PLEKHA7: variants seen among roughly 807,000 people sequenced by gnomAD.
The protein encoded by PLEKHA7 is pleckstrin homology domain-containing family A member 7.
PLEKHA7 carries 104 observed loss-of-function variants against 170.0 expected under a neutral mutation model. The ratio of observed to expected loss-of-function variants is 0.61; its 90% CI spans 0.52 to 0.72. The LOEUF is 0.72. Among genes scored for constraint, PLEKHA7 ranks in the 30% least tolerant of loss-of-function variants. PLEKHA7 has a pLI of 0.00. For synonymous variants in PLEKHA7, 648 were observed against 660.8 expected (o/e 0.98, Z 0.30); for missense variants, 1,615 against 1,671.7 (o/e 0.97, Z 0.59).
chr11:16,865,238 C>T (rs1854288776), intron 4 of PLEKHA7, among the ~76,000 whole-genome samples: 2 of 152,232 alleles, frequency 1.3e-5, no homozygotes, highest in Non-Finnish European at 2.9e-5. Context: ...CTCCCCCTTT[C>T]TCTATGCATT....
chr11:16,808,599 C>T (rs1229151695), intron 13 of PLEKHA7, among the ~76,000 whole-genome samples: 3 of 152,118 alleles, frequency 2.0e-5, no homozygotes, highest in African/African-American at 4.8e-5. Flanking sequence ...CCAGTAACCC[C>T]GAAGCCACTG....
At chr11:16,947,087 A>G (rs936656036) in intron 3 of PLEKHA7, among the ~76,000 whole-genome samples, 1 of 152,200 alleles carries the variant, frequency 6.6e-6, no homozygotes, top group Non-Finnish European at 1.5e-5. Context: ...AACACCTTTC[A>G]TGACCACTGA....
chr11:16,854,314 C>T (rs529793463), intron 6 of PLEKHA7, among the ~76,000 whole-genome samples: 101 of 152,194 alleles, frequency 6.6e-4, no homozygotes, highest in African/African-American at 2.3e-3. Flanking sequence ...GAATGCATGT[C>T]GGGGAAGGAG....
intron 3 of PLEKHA7, among the ~76,000 whole-genome samples, chr11:16,951,315 A>G (rs1861391547): frequency 1.3e-5 from 2 of 152,164 alleles, no homozygotes; most frequent in South Asian, 4.1e-4. Flanking sequence ...GGGATGGCTG[A>G]GAATACTCTC....
chr11:16,833,981 T>TTATATATATATATATATATATA (rs10525520), intron 9 of PLEKHA7, among the ~76,000 whole-genome samples: 26 of 151,286 alleles, frequency 1.7e-4, no homozygotes, highest in Middle Eastern at 3.4e-3. Flanking sequence ...CTCAGGAGTT[T>TTATATATATATATATATATATA]TATATATAGA....
chr11:16,897,826 A>G (rs1334562454), intron 3 of PLEKHA7, among the ~76,000 whole-genome samples: 1 of 152,156 alleles, frequency 6.6e-6, no homozygotes, highest in Non-Finnish European at 1.5e-5. Context: ...TGTGAATGTA[A>G]AAGGCGATTA....
chr11:16,947,915 CA>C lies in PLEKHA7; in HGVS notation c.221+66073del, dbSNP rs756124686. Among the ~76,000 whole-genome samples the C allele has an allele frequency of 2.0e-3, 135 of 67,016 alleles. No individual in the cohort carries two copies. In the South Asian group the frequency reaches 0.027, roughly 14 times the overall value. The allele number at this position is 67,016 out of a possible 152,430, so 44.0% of individuals were successfully genotyped here. ...TGGGCTATAGAGTAAGACTCCGTCT[CA>C]AAAAAAAAAAAAAAAAGAAAAAAAA... is the stretch of plus-strand genomic sequence containing the variant. On this transcript the variant is annotated intron_variant, in intron 3 of 26. Coordinates refer to ENST00000531066, the MANE Select transcript of PLEKHA7 (RefSeq NM_001329630.2).
intron 10 of PLEKHA7, 72 bp downstream of exon 10, chr11:16,826,048 T>C (rs1342608365): frequency 2.1e-6 from 3 of 1,462,024 alleles, no homozygotes; most frequent in East Asian, 4.6e-5. Flanking sequence ...CAGCAAGTGC[T>C]GGCTAAATGA....
intron 10 of PLEKHA7, among the ~76,000 whole-genome samples, chr11:16,818,706 T>C (rs1849966571): frequency 6.6e-6 from 1 of 152,206 alleles, no homozygotes; most frequent in African/African-American, 2.4e-5. Context: ...GTCCTGTGCG[T>C]AATTAGCCCT....
At position 16,960,388 on chromosome 11, in the gene PLEKHA7, C is replaced by T. The variant is rs1344229919; in HGVS notation, c.221+53601G>A. Among the ~76,000 whole-genome samples the T allele has an allele frequency of 2.6e-5, 4 of 152,194 alleles. No individual in the cohort carries two copies. In the South Asian group the frequency reaches 8.3e-4, roughly 31 times the overall value. ...GGGAATGAGATAAGCCATCTAGATTCCAAATTCTCCCTGTATTTACTCAAA... is the reference window on the plus strand; with the variant it reads ...GGGAATGAGATAAGCCATCTAGATTTCAAATTCTCCCTGTATTTACTCAAA... On this transcript the variant is annotated intron_variant, in intron 3 of 26. Coordinates refer to ENST00000531066, the MANE Select transcript of PLEKHA7 (RefSeq NM_001329630.2).
At chr11:16,918,354 G>A (rs550103698) in intron 3 of PLEKHA7, among the ~76,000 whole-genome samples, 1 of 152,266 alleles carries the variant, frequency 6.6e-6, no homozygotes, top group African/African-American at 2.4e-5. Flanking sequence ...ATCCCAACAG[G>A]AGTCAGACCT....
chr11:16,818,493 C>T (rs7103878), intron 10 of PLEKHA7, among the ~76,000 whole-genome samples: 3 of 152,344 alleles, frequency 2.0e-5, no homozygotes, highest in South Asian at 4.1e-4. Flanking sequence ...TGCCTTCCCC[C>T]ACGTGGACCT....
rs1475729165 is a variant in PLEKHA7, at chr11:17,014,308, C to T, written c.86+8G>A. 1.4e-6 allele frequency: 2 copies of T among 1,441,194 alleles called. No homozygotes were observed. Among genetic ancestry groups the T allele is most frequent in the Non-Finnish European group, 1.8e-6 (2 of 1,093,190 alleles). The allele number at this position is 1,441,194 out of a possible 1,614,324, so 89.3% of individuals were successfully genotyped here. On this transcript the variant is annotated splice_region_variant and intron_variant, in intron 1 of 26. Coordinates refer to ENST00000531066, the MANE Select transcript of PLEKHA7 (RefSeq NM_001329630.2). ...GCGTCCCCGCGTCCCCGGGTCCTCG[C>T]GCCGCACTTGATGAAGAAGACGCGG...
rs11024049 is a variant in PLEKHA7 at position 16,830,841 on chromosome 11, A to G, written c.873-4251T>C. 5.8e-4 allele frequency among the ~76,000 whole-genome samples: 88 copies of G among 152,336 alleles called. 1 individual carries two copies. In the East Asian group the frequency reaches 0.016, roughly 27 times the overall value. On this transcript the variant is annotated intron_variant, in intron 9 of 26. Coordinates refer to ENST00000531066, the MANE Select transcript of PLEKHA7 (RefSeq NM_001329630.2). ...TAACCACATTGAATACTGTTCCCAT[A>G]AACACCTGACCCTCAAATCATGGAG...
rs756469900 is a variant in PLEKHA7 at position 16,826,419 on chromosome 11, C to G, written c.1044G>C (p.Gln348His). ...QEQEGEQYRS[Q>H]RDPLEGKRDR... ...CCCGCTTGCCCTCCAGTGGGTCCCT[C>G]TGGGAACGGTACTGCTCTCCCTCCT... is the stretch of plus-strand genomic sequence containing the variant. Residue 348 changes from glutamine to histidine, a missense_variant, in exon 10 of 27, where the codon CAG (glutamine) becomes CAC (histidine). Coordinates refer to ENST00000531066, the MANE Select transcript of PLEKHA7 (RefSeq NM_001329630.2). 7 of 1,614,254 alleles carry G rather than the reference C, an allele frequency of 4.3e-6. No homozygotes were observed. Among genetic ancestry groups the G allele is most frequent in the Non-Finnish European group, 5.9e-6 (7 of 1,180,058 alleles).
At chr11:16,796,271 C>G (rs1275584688) in intron 17 of PLEKHA7, among the ~76,000 whole-genome samples, 1 of 152,116 alleles carries the variant, frequency 6.6e-6, no homozygotes, top group African/African-American at 2.4e-5. Context: ...AAAAAGTCAG[C>G]TGAACCCGAT....
chr11:16,871,058 C>CA (rs773495585), intron 4 of PLEKHA7, 41 bp downstream of exon 4: 1 of 1,475,194 alleles, frequency 6.8e-7, no homozygotes, highest in Admixed American at 1.7e-5. Context: ...TTTAGTCTCC[C>CA]ATACTCTGCC....
At chr11:16,933,056 G>T (rs973909429) in intron 3 of PLEKHA7, among the ~76,000 whole-genome samples, 3 of 152,228 alleles carry the variant, frequency 2.0e-5, no homozygotes, top group African/African-American at 7.2e-5. Flanking sequence ...TTTTCAAAAA[G>T]ATTTCTGTAT....
intron 3 of PLEKHA7, among the ~76,000 whole-genome samples, chr11:17,013,646 A>G (rs1363715417): frequency 9.9e-5 from 15 of 152,038 alleles, no homozygotes; most frequent in South Asian, 2.1e-4. Flanking sequence ...AGGTCCCGGC[A>G]CTCGCCTCTC....
Sources: gnomAD v4.1 joint callset for allele counts (sites outside exome capture counted in the v4.1 genomes callset) on GRCh38, gnomAD v4.1.1 for gene constraint, MANE v1.5 for transcripts, NCBI Gene and HGNC (gene_info 2026-07-23, HGNC 2026-07-21) for gene names.